The following GNS variants were observed in gnomAD, a reference collection of about 807,000 sequenced individuals.
GNS encodes glucosamine (N-acetyl)-6-sulfatase.
Under a neutral mutation model 69.7 loss-of-function variants are expected in GNS, and 40 were observed. The observed-to-expected ratio is 0.57, with a 90% CI of 0.45 to 0.75. The LOEUF (loss-of-function observed/expected upper bound fraction) is 0.75, where lower values mean the gene tolerates loss of function less well. Ranked by LOEUF, GNS falls within the 30% of genes least tolerant of loss-of-function variation. The pLI is 0.00. For synonymous variants in GNS, 243 were observed against 251.6 expected, an observed-to-expected ratio of 0.97 and a Z score of 0.32; for missense variants, 565 against 685.5, an observed-to-expected ratio of 0.82 and a Z score of 1.96.
chr12:64,759,151 C>A lies in GNS; in HGVS notation c.126G>T (p.Ala42=). Residue 42 remains alanine, a synonymous_variant, in exon 1 of 14, where the codon GCG becomes GCT. Transcript: ENST00000258145. The part of the protein sequence containing the change: ...GGCLGVFGVA[A]GTRRPNVVLL... ...GCACCACGTTGGGCCTCCGGGTTCCCGCAGCCACCCCGAAGACCCCCAGGC... is the reference window on the plus strand; with the variant it reads ...GCACCACGTTGGGCCTCCGGGTTCCAGCAGCCACCCCGAAGACCCCCAGGC... The A allele has an allele frequency of 1.9e-6, 3 of 1,557,034 alleles. No individual in the cohort carries two copies. Among genetic ancestry groups the A allele is most frequent in the Non-Finnish European group, 2.6e-6 (3 of 1,150,822 alleles).
At position 64,723,016 on chromosome 12, in the gene GNS, G is replaced by A; in HGVS notation, c.1298C>T (p.Pro433Leu). The A allele has an allele frequency of 2.5e-6, 4 of 1,588,372 alleles. No homozygotes were observed. The highest frequency in any genetic ancestry group is 3.5e-6 in the Non-Finnish European group (4 of 1,156,434). ...VTDPTCPSLS[P>L]GVSQCFPDCV... The stretch of plus-strand genomic sequence containing the variant: ...CAAGCTATTACTCACAGATACGCCA[G>A]GACTCAGGGAAGGGCATGTTGGGTC... The change falls in exon 11 of 14, where the codon CCT becomes CTT. Residue 433 changes from proline to leucine, a missense_variant. This residue lies in a region of GNS where 384 missense variants were observed against 511.0 expected (regional missense o/e 0.75). Transcript: ENST00000258145.
intron 10 of GNS, among the ~76,000 whole-genome samples, chr12:64,726,848 G>A (rs1313016643): frequency 2.0e-5 from 3 of 151,622 alleles, no homozygotes; most frequent in Middle Eastern, 3.2e-3. Flanking sequence ...ACTATGATAC[G>A]CAAAAATGCA....
chr12:64,724,148 C>T (rs1005065319), intron 10 of GNS, among the ~76,000 whole-genome samples: 2 of 152,136 alleles, frequency 1.3e-5, no homozygotes, highest in Admixed American at 6.5e-5. Flanking sequence ...TAAGCCAAAG[C>T]CTGCATTTAG....
Position 64,759,231 on chromosome 12 carries a change from G to A in GNS, c.46C>T (p.Pro16Ser). Residue 16 changes from proline to serine, a missense_variant, in exon 1 of 14, where the codon CCC becomes TCC. Pro to Ser is a moderately conservative substitution (Grantham distance 74). Around this residue, in one of 2 missense-constraint regions of GNS, gnomAD observed 181 missense variants for 174.4 expected, o/e 1.04. Coordinates refer to ENST00000258145, the MANE Select transcript of GNS (RefSeq NM_002076.4). ...GGGCTGCAGGAGGGCAGGTGGCGGGGGCTGCCCCGCCGGAGCCGACCTGGG... is the reference window on the plus strand; with the variant it reads ...GGGCTGCAGGAGGGCAGGTGGCGGGAGCTGCCCCGCCGGAGCCGACCTGGG... ...LAPGRLRRGS[P>S]RHLPSCSPAL... 6.5e-7 allele frequency: 1 copy of A among 1,544,356 alleles called. No individual in the cohort carries two copies. Among genetic ancestry groups the A allele is most frequent in the Non-Finnish European group, 8.7e-7 (1 of 1,144,288 alleles).
intron 7 of GNS, 145 bp from the exon 8 acceptor site, chr12:64,739,644 A>C (rs1164866481): frequency 3.1e-6 from 2 of 645,270 alleles, no homozygotes; most frequent in African/African-American, 1.8e-5. Flanking sequence ...CGTTTAAAAA[A>C]AAAAAATTGC....
intron 2 of GNS, among the ~76,000 whole-genome samples, chr12:64,751,851 G>A (rs1870086255): frequency 1.3e-5 from 2 of 151,642 alleles, no homozygotes; most frequent in Admixed American, 6.6e-5. Flanking sequence ...AGCAGGGCAT[G>A]GTGGTGGGTG....
chr12:64,724,847 C>G (rs948205983), intron 10 of GNS, among the ~76,000 whole-genome samples: 3 of 152,076 alleles, frequency 2.0e-5, no homozygotes, highest in African/African-American at 4.8e-5. Context: ...GGTGACAGAG[C>G]GAGACTCTGT....
At chr12:64,748,037 A>G (rs1281753992) in intron 2 of GNS, 119 bp from the exon 3 acceptor site, 14 of 704,210 alleles carry the variant, frequency 2.0e-5, no homozygotes, top group Admixed American at 6.3e-5. Context: ...GTAGTTTCTC[A>G]TGGAATATAT....
chr12:64,740,317 T>C lies in GNS; in HGVS notation c.875+289A>G, dbSNP rs947055892. Among the ~76,000 whole-genome samples, 9 of 152,330 alleles carry C rather than the reference T, an allele frequency of 5.9e-5. No homozygotes were observed. In the East Asian group the frequency reaches 1.5e-3, roughly 26 times the overall value. On this transcript the variant is annotated intron_variant, in intron 7 of 13. Transcript: ENST00000258145. The stretch of plus-strand genomic sequence containing the variant: ...ATGGGCTCTCTCAACCAAGTCACCT[T>C]TTCTTTAAAGCAGGAGAAAAAATTC...
At position 64,717,873 on chromosome 12, in the gene GNS, G is replaced by A. The variant is rs1310346375; in HGVS notation, c.1581-1054C>T. On this transcript the variant is annotated intron_variant, in intron 13 of 13. Transcript: ENST00000258145. ...CCTGGCACTATCCTTGGGGCTTCAC[G>A]CATCCACTGTGGGTTCTGGAATAGA... Among the ~76,000 whole-genome samples, 6 of 152,220 alleles carry A rather than the reference G, an allele frequency of 3.9e-5. No individual in the cohort carries two copies. The East Asian group carries it at 7.7e-4, about 20-fold the overall frequency.
intron 8 of GNS, 34 bp from the exon 9 acceptor site, chr12:64,737,141 C>T (rs764333876): frequency 1.9e-6 from 2 of 1,068,486 alleles, no homozygotes; most frequent in Non-Finnish European, 2.9e-6. Flanking sequence ...AAGATGGAGC[C>T]AAGACAGGAG....
intron 7 of GNS, 105 bp from the exon 8 acceptor site, chr12:64,739,604 C>T (rs965874838): frequency 6.5e-5 from 42 of 644,090 alleles, no homozygotes; most frequent in Middle Eastern, 4.4e-4. Context: ...AAGACACCCC[C>T]GTTTAAAAAA....
chr12:64,729,095 G>T, intron 9 of GNS, 38 bp from the exon 10 acceptor site: 2 of 1,090,238 alleles, frequency 1.8e-6, no homozygotes, highest in Non-Finnish European at 2.9e-6. Flanking sequence ...GAACACAGCT[G>T]GTCTCATTTT....
At chr12:64,733,620 C>T (rs994110187) in intron 9 of GNS, among the ~76,000 whole-genome samples, 3 of 152,170 alleles carry the variant, frequency 2.0e-5, no homozygotes, top group African/African-American at 4.8e-5. Flanking sequence ...CCCTCAGTTC[C>T]AGCTTTCCTG....
chr12:64,737,152 C>CAAGGCTCCTGT, intron 8 of GNS, 45 bp from the exon 9 acceptor site: 2 of 990,240 alleles, frequency 2.0e-6, no homozygotes, highest in Non-Finnish European at 3.3e-6. Context: ...AAGACAGGAG[C>CAAGGCTCCTGT]CTTGCTCATG....
Position 64,745,984 on chromosome 12 carries a change from A to G in GNS, c.460-260T>C, listed in dbSNP as rs1440349757. The G allele has an allele frequency of 3.0e-5, 16 of 527,856 alleles. No homozygotes were observed. In the Admixed American group the frequency reaches 5.3e-4, roughly 18 times the overall value. The allele number at this position is 527,856 out of a possible 1,614,324, so 32.7% of individuals were successfully genotyped here. A position where few individuals can be genotyped will look rare whatever the true frequency, so the allele number is the denominator to read the frequency against. The stretch of plus-strand genomic sequence containing the variant: ...GCAAGCTAAGAATTTAACAATTTTA[A>G]AATATAAAAGTTAATCAAAATAAGA... On this transcript the variant is annotated intron_variant, in intron 3 of 13. Transcript: ENST00000258145.
rs2279598 is a variant in GNS, at chr12:64,716,903, G to A, written c.1581-84C>T. ...ATTCAGTGGAAAGGATAGCAGGAAG[G>A]GGTGTAAAAGAAACAAATCACCAGA... is the stretch of plus-strand genomic sequence containing the variant. On this transcript the variant is annotated intron_variant, in intron 13 of 13. Transcript: ENST00000258145. The A allele has an allele frequency of 4.5e-6, 4 of 884,682 alleles. No homozygotes were observed. In the South Asian group the frequency reaches 5.4e-5, roughly 12 times the overall value. 54.8% of individuals were successfully genotyped at this position (884,682 alleles called of 1,614,324 possible). A position where few individuals can be genotyped will look rare whatever the true frequency, so the allele number is the denominator to read the frequency against.
intron 2 of GNS, among the ~76,000 whole-genome samples, chr12:64,748,574 A>C (rs548472985): frequency 5.9e-5 from 9 of 152,246 alleles, no homozygotes; most frequent in Admixed American, 2.0e-4. Context: ...AAGACAAAGA[A>C]TACTACTTGG....
At chr12:64,741,990 T>C (rs542170784) in intron 6 of GNS, among the ~76,000 whole-genome samples, 2 of 152,312 alleles carry the variant, frequency 1.3e-5, no homozygotes, top group Non-Finnish European at 1.5e-5. Context: ...TAATTTATTT[T>C]ATTTTATTTT....
Sources: allele counts gnomAD v4.1 joint callset (sites outside exome capture counted in the v4.1 genomes callset), GRCh38; gene constraint gnomAD v4.1.1; regional missense constraint gnomAD v4.1.1; transcripts MANE v1.5; gene names NCBI Gene and HGNC (gene_info 2026-07-23, HGNC 2026-07-21).